KLHL1: variants seen among roughly 807,000 people sequenced by gnomAD.
KLHL1 encodes the protein kelch-like protein 1.
Under a neutral mutation model 77.7 loss-of-function variants are expected in KLHL1, and 47 were observed. The ratio of observed to expected loss-of-function variants is 0.60; its 90% CI spans 0.48 to 0.77. The LOEUF (loss-of-function observed/expected upper bound fraction) is 0.77, where lower values mean the gene tolerates loss of function less well. Ranked by LOEUF, KLHL1 falls within the 30% of genes least tolerant of loss-of-function variation. The probability of loss-of-function intolerance (pLI) is 0.00; values close to 1 mark genes in which losing one functional copy is unlikely to be tolerated. For synonymous variants in KLHL1, 360 were observed against 325.2 expected (o/e 1.11, Z -1.15); for missense variants, 925 against 910.8 (o/e 1.02, Z -0.20).
intron 6 of KLHL1, among the ~76,000 whole-genome samples, chr13:69,827,999 T>G (rs2138090115): frequency 6.6e-6 from 1 of 150,412 alleles, no homozygotes; most frequent in Non-Finnish European, 1.5e-5. Flanking sequence ...ATTTGTAATA[T>G]ATGTCATTGA....
At chr13:69,922,964 A>G (rs1882691410) in intron 4 of KLHL1, among the ~76,000 whole-genome samples, 1 of 152,200 alleles carries the variant, frequency 6.6e-6, no homozygotes, top group South Asian at 2.1e-4. Context: ...TAAAGATGAA[A>G]TATTTGAAAG....
chr13:69,898,127 C>T (rs1197916180), intron 4 of KLHL1, among the ~76,000 whole-genome samples: 3 of 152,188 alleles, frequency 2.0e-5, no homozygotes, highest in African/African-American at 7.2e-5. Context: ...AATGATATCT[C>T]CAAGAAGGAG....
intron 5 of KLHL1, among the ~76,000 whole-genome samples, chr13:69,854,482 C>A (rs1879811822): frequency 6.6e-6 from 1 of 151,980 alleles, no homozygotes; most frequent in African/African-American, 2.4e-5. Flanking sequence ...CCAAACACAT[C>A]CCACATTGGT....
intron 1 of KLHL1, among the ~76,000 whole-genome samples, chr13:70,099,225 T>C (rs1418675077): frequency 6.6e-6 from 1 of 151,886 alleles, no homozygotes; most frequent in Non-Finnish European, 1.5e-5. Context: ...ATTCAAGACG[T>C]TCTATATAAG....
intron 1 of KLHL1, among the ~76,000 whole-genome samples, chr13:70,057,169 C>T (rs1057318102): frequency 3.9e-5 from 6 of 151,972 alleles, no homozygotes; most frequent in Non-Finnish European, 8.8e-5. Flanking sequence ...ATGCCAATAA[C>T]TTTGAAAACA....
chr13:69,722,441 T>A (rs1404495912), intron 8 of KLHL1, among the ~76,000 whole-genome samples: 2 of 151,938 alleles, frequency 1.3e-5, no homozygotes, highest in Non-Finnish European at 2.9e-5. Context: ...CCTATATCTA[T>A]CTAATCTAGT....
At chr13:69,751,709 A>G (rs907508489) in intron 7 of KLHL1, among the ~76,000 whole-genome samples, 7 of 152,120 alleles carry the variant, frequency 4.6e-5, no homozygotes, top group African/African-American at 1.4e-4. Context: ...AGTAATGTGA[A>G]GTTACTAATA....
At chr13:70,067,977 CTGTT>C (rs1416433565) in intron 1 of KLHL1, among the ~76,000 whole-genome samples, 1 of 150,986 alleles carries the variant, frequency 6.6e-6, no homozygotes, top group African/African-American at 2.4e-5. Flanking sequence ...ACAGTATACA[CTGTT>C]TCTTTTCAAA....
At chr13:70,104,875 T>C (rs1445148813) in intron 1 of KLHL1, among the ~76,000 whole-genome samples, 1 of 152,090 alleles carries the variant, frequency 6.6e-6, no homozygotes, top group Non-Finnish European at 1.5e-5. Context: ...TATTTTACTT[T>C]GGAAATGCTG....
At chr13:69,831,151 AC>A (rs1333598990) in intron 6 of KLHL1, among the ~76,000 whole-genome samples, 1 of 150,010 alleles carries the variant, frequency 6.7e-6, no homozygotes, top group Non-Finnish European at 1.5e-5. Flanking sequence ...GATAAGTAAA[AC>A]AAAAAGCTGG....
chr13:69,836,975 A>G (rs531610839), intron 6 of KLHL1, among the ~76,000 whole-genome samples: 3 of 152,128 alleles, frequency 2.0e-5, no homozygotes, highest in Admixed American at 6.6e-5. Flanking sequence ...GAAGGGAAAT[A>G]TAAATGTAAT....
chr13:69,915,062 A>G (rs192926169), intron 4 of KLHL1, among the ~76,000 whole-genome samples: 1 of 152,292 alleles, frequency 6.6e-6, no homozygotes, highest in Non-Finnish European at 1.5e-5. Context: ...GAATGCAAAA[A>G]TGGTATAACA....
At chr13:70,032,532 A>C (rs1342053464) in intron 1 of KLHL1, among the ~76,000 whole-genome samples, 1 of 152,236 alleles carries the variant, frequency 6.6e-6, no homozygotes, top group Non-Finnish European at 1.5e-5. Context: ...CAAACAAGCT[A>C]TATAAAAGTT....
At position 70,033,604 on chromosome 13, in the gene KLHL1, C is replaced by CTTT. The variant is rs71116981; in HGVS notation, c.498-57805_498-57803dup. Among the ~76,000 whole-genome samples the CTTT allele has an allele frequency of 8.5e-4, 40 of 47,188 alleles. 3 individuals carry two copies. The highest frequency in any genetic ancestry group is 1.8e-3 in the Admixed American group (5 of 2,760). The allele number at this position is 47,188 out of a possible 152,430, so 31.0% of individuals were successfully genotyped here. A position where few individuals can be genotyped will look rare whatever the true frequency, so the allele number is the denominator to read the frequency against. ...TACAGGTGTGAGTCACCGCAACTGGCTTTTTTTTTTTTTTTTTTTTTTTTT... is the reference window on the plus strand; with the variant it reads ...TACAGGTGTGAGTCACCGCAACTGGCTTTTTTTTTTTTTTTTTTTTTTTTTTTT... On this transcript the variant is annotated intron_variant, in intron 1 of 10. Coordinates refer to ENST00000377844, the MANE Select transcript of KLHL1 (RefSeq NM_020866.3).
rs187778633 is a variant in KLHL1, at chr13:69,821,841, C to T, written c.1414+17135G>A. On this transcript the variant is annotated intron_variant, in intron 6 of 10. Coordinates refer to ENST00000377844, the MANE Select transcript of KLHL1 (RefSeq NM_020866.3). Reference sequence around the variant, plus strand: ...TTTCGACTAACTTTTTTGCTTATGGCCCCATTAATAGAACTTAAGCTAAAC... The same window carrying T: ...TTTCGACTAACTTTTTTGCTTATGGTCCCATTAATAGAACTTAAGCTAAAC... Among the ~76,000 whole-genome samples the T allele has an allele frequency of 1.9e-3, 284 of 152,074 alleles. 3 individuals are homozygous for T. The highest frequency in any genetic ancestry group is 2.8e-3 in the Non-Finnish European group (193 of 67,976).
At chr13:70,043,048 G>A (rs984230794) in intron 1 of KLHL1, among the ~76,000 whole-genome samples, 2 of 152,112 alleles carry the variant, frequency 1.3e-5, no homozygotes, top group Non-Finnish European at 1.5e-5. Flanking sequence ...TGGGATTATA[G>A]GCGTGAGCCA....
chr13:69,739,380 A>C (rs1039114104), intron 8 of KLHL1, among the ~76,000 whole-genome samples: 1 of 152,246 alleles, frequency 6.6e-6, no homozygotes, highest in Non-Finnish European at 1.5e-5. Flanking sequence ...TTATGATGTC[A>C]GGATCAAATT....
At chr13:69,944,392 C>T (rs1267414494) in intron 3 of KLHL1, among the ~76,000 whole-genome samples, 3 of 152,182 alleles carry the variant, frequency 2.0e-5, no homozygotes, top group African/African-American at 7.2e-5. Flanking sequence ...TTTCATTTGG[C>T]CTTCGCCCCA....
At chr13:69,861,307 T>G (rs1880148329) in intron 5 of KLHL1, among the ~76,000 whole-genome samples, 1 of 152,084 alleles carries the variant, frequency 6.6e-6, no homozygotes, top group African/African-American at 2.4e-5. Flanking sequence ...TTCTCCACCT[T>G]TTTGTGGCTT....
Sources: gnomAD v4.1 joint callset for allele counts (sites outside exome capture counted in the v4.1 genomes callset) on GRCh38, gnomAD v4.1.1 for gene constraint, MANE v1.5 for transcripts, NCBI Gene and HGNC (gene_info 2026-07-23, HGNC 2026-07-21) for gene names.